Variants in NR6A1 observed in about 807,000 individuals in gnomAD.
NR6A1 encodes retinoic acid receptor-related testis-associated receptor.
NR6A1 carries 7 observed loss-of-function variants against 59.1 expected under a neutral mutation model. The observed-to-expected ratio is 0.12, with a 90% CI of 0.07 to 0.22. The LOEUF (loss-of-function observed/expected upper bound fraction) is 0.22. Among genes scored for constraint, NR6A1 ranks in the 10% least tolerant of loss-of-function variants. The pLI, the probability that NR6A1 is intolerant of heterozygous loss-of-function variation, is 1.00. For missense variants in NR6A1, 468 were observed against 611.6 expected (o/e 0.77, Z 2.48); for synonymous variants, 243 against 236.1 (o/e 1.03, Z -0.27).
intron 2 of NR6A1, among the ~76,000 whole-genome samples, chr9:124,612,320 C>G (rs1835771661): frequency 6.6e-6 from 1 of 152,138 alleles, no homozygotes; most frequent in South Asian, 2.1e-4. Context: ...TGCAGACCCT[C>G]CATAGAACTG....
rs990231635 is a variant in NR6A1, at chr9:124,647,234, T to C, written c.142+86074A>G. Among the ~76,000 whole-genome samples, 3 of 151,666 alleles carry C rather than the reference T, an allele frequency of 2.0e-5. No individual in the cohort carries two copies. In the East Asian group the frequency reaches 5.8e-4, roughly 29 times the overall value. Reference sequence around the variant, plus strand: ...GCCTGGCCCTGGTTTTTTAAATAGATAAACAAAATTGACCAATTGTTAGCT... The same window carrying C: ...GCCTGGCCCTGGTTTTTTAAATAGACAAACAAAATTGACCAATTGTTAGCT... On this transcript the variant is annotated intron_variant, in intron 2 of 9. Transcript: ENST00000487099.
chr9:124,745,671 TA>T (rs11334137), intron 1 of NR6A1, among the ~76,000 whole-genome samples: 61,197 of 121,326 alleles, frequency 0.5, 13,959 homozygotes, highest in Admixed American at 0.61. Context: ...AACTCTGTCT[TA>T]AAAAAAAAAA....
chr9:124,770,900 G>T, intron 1 of NR6A1, 120 bp downstream of exon 1: 1 of 516,714 alleles, frequency 1.9e-6, no homozygotes, highest in Non-Finnish European at 3.0e-6. Flanking sequence ...GCCACCCTAA[G>T]GGGCCGCGGG....
intron 2 of NR6A1, among the ~76,000 whole-genome samples, chr9:124,632,238 T>C (rs1836467077): frequency 6.6e-6 from 1 of 152,142 alleles, no homozygotes; most frequent in Non-Finnish European, 1.5e-5. Flanking sequence ...CTTTGAGGAA[T>C]TGCCACACTC....
intron 2 of NR6A1, among the ~76,000 whole-genome samples, chr9:124,603,536 G>A (rs756989500): frequency 6.6e-5 from 10 of 152,140 alleles, no homozygotes; most frequent in Non-Finnish European, 1.5e-4. Context: ...GGTAGTCAAA[G>A]GTTCCTGATC....
chr9:124,764,239 T>C (rs983015476), intron 1 of NR6A1, among the ~76,000 whole-genome samples: 1 of 152,026 alleles, frequency 6.6e-6, no homozygotes, highest in Admixed American at 6.6e-5. Flanking sequence ...CCTTCACTGA[T>C]TCAGTCTATG....
intron 2 of NR6A1, among the ~76,000 whole-genome samples, chr9:124,719,627 G>GAAGGCAGCAGGCTGA (rs1316005338): frequency 6.6e-6 from 1 of 152,124 alleles, no homozygotes; most frequent in Non-Finnish European, 1.5e-5. Flanking sequence ...CTCATTTAAA[G>GAAGGCAGCAGGCTGA]AAGGCAGCAG....
intron 2 of NR6A1, among the ~76,000 whole-genome samples, chr9:124,560,251 A>G (rs763292551): frequency 7.9e-5 from 12 of 152,146 alleles, no homozygotes; most frequent in Non-Finnish European, 1.6e-4. Flanking sequence ...TTCTTATTCC[A>G]TTCTTGGGAA....
chr9:124,769,456 T>C (rs866439456), intron 1 of NR6A1, among the ~76,000 whole-genome samples: 1 of 152,330 alleles, frequency 6.6e-6, no homozygotes, highest in Admixed American at 6.5e-5. Context: ...CTGTAGCTAC[T>C]CACTCATTCA....
At chr9:124,575,293 G>A (rs2131442507) in intron 2 of NR6A1, among the ~76,000 whole-genome samples, 1 of 152,288 alleles carries the variant, frequency 6.6e-6, no homozygotes. Context: ...CTGAGCTTTG[G>A]CCGGGCGCAG....
At chr9:124,668,550 A>G (rs1432257144) in intron 2 of NR6A1, among the ~76,000 whole-genome samples, 1 of 152,226 alleles carries the variant, frequency 6.6e-6, no homozygotes, top group African/African-American at 2.4e-5. Flanking sequence ...AAAATTTGTC[A>G]CCTATAATCT....
intron 7 of NR6A1, among the ~76,000 whole-genome samples, chr9:124,530,994 T>C (rs1374344929): frequency 1.3e-5 from 2 of 152,222 alleles, no homozygotes; most frequent in Non-Finnish European, 2.9e-5. Context: ...TCACACAAGG[T>C]AGCAGTAAGA....
At chr9:124,722,691 A>C (rs549634278) in intron 2 of NR6A1, among the ~76,000 whole-genome samples, 35 of 152,092 alleles carry the variant, frequency 2.3e-4, no homozygotes, top group African/African-American at 8.4e-4. Context: ...GTGGGCATCT[A>C]CCAATATGGC....
chr9:124,680,049 TATAC>T lies in NR6A1; in HGVS notation c.142+53255_142+53258del, dbSNP rs570778755. The stretch of plus-strand genomic sequence containing the variant: ...TTATGAGTTATACATTATATGTAAT[TATAC>T]ATACAGTCAAATGTGTTTATGTGTC... On this transcript the variant is annotated intron_variant, in intron 2 of 9. Transcript: ENST00000487099. 1.7e-3 allele frequency among the ~76,000 whole-genome samples: 259 copies of T among 152,224 alleles called. 1 individual carries two copies. Among genetic ancestry groups the T allele is most frequent in the Non-Finnish European group, 2.1e-3 (145 of 68,018 alleles).
intron 1 of NR6A1, among the ~76,000 whole-genome samples, chr9:124,745,835 G>T (rs1588849145): frequency 6.6e-6 from 1 of 150,568 alleles, no homozygotes; most frequent in South Asian, 2.1e-4. Context: ...ACAAAAAATT[G>T]CCAGGCATGG....
intron 4 of NR6A1, among the ~76,000 whole-genome samples, chr9:124,541,107 C>A (rs1284064382): frequency 6.6e-6 from 1 of 152,088 alleles, no homozygotes; most frequent in Non-Finnish European, 1.5e-5. Flanking sequence ...AAAGTACAGA[C>A]AACAGAACAA....
chr9:124,743,820 T>C (rs1471888067), intron 1 of NR6A1, among the ~76,000 whole-genome samples: 1 of 152,218 alleles, frequency 6.6e-6, no homozygotes, highest in African/African-American at 2.4e-5. Flanking sequence ...AGCACAGGCA[T>C]TTCTCAGAAA....
intron 2 of NR6A1, among the ~76,000 whole-genome samples, chr9:124,717,645 A>G (rs1051753519): frequency 6.6e-6 from 1 of 152,232 alleles, no homozygotes; most frequent in Non-Finnish European, 1.5e-5. Context: ...GTGGATTACT[A>G]GGGTGCACAC....
rs1841066704 is a variant in NR6A1 at position 124,769,953 on chromosome 9, TCAAA to T, written c.100+1063_100+1066del. 4.6e-5 allele frequency among the ~76,000 whole-genome samples: 7 copies of T among 152,010 alleles called. No individual in the cohort carries two copies. The South Asian group carries it at 1.5e-3, about 32-fold the overall frequency. ...GCGGCAAACACCGAGGAGGAAAATA[TCAAA>T]CAGATACAAATAAAACACCCCGCAG... On this transcript the variant is annotated intron_variant, in intron 1 of 9. Transcript: ENST00000487099.
Sources: gnomAD v4.1 joint callset for allele counts (sites outside exome capture counted in the v4.1 genomes callset) on GRCh38, gnomAD v4.1.1 for gene constraint, MANE v1.5 for transcripts, NCBI Gene and HGNC (gene_info 2026-07-23, HGNC 2026-07-21) for gene names.